Variants in EXOC6 observed in about 807,000 individuals in gnomAD.
EXOC6 encodes exocyst complex component 6, also known as SEC15-like 1.
Under a neutral mutation model 112.5 loss-of-function variants are expected in EXOC6, and 60 were observed. That is an observed-to-expected ratio of 0.53 (90% CI 0.43 to 0.66). EXOC6 has a LOEUF of 0.66. Ranked by LOEUF, EXOC6 falls within the 30% of genes least tolerant of loss-of-function variation. The pLI, the probability that EXOC6 is intolerant of heterozygous loss-of-function variation, is 0.00. For missense variants in EXOC6, 855 were observed against 957.1 expected, an observed-to-expected ratio of 0.89 and a Z score of 1.41; for synonymous variants, 295 against 308.0, an observed-to-expected ratio of 0.96 and a Z score of 0.44.
chr10:92,865,888 C>A (rs11187192), intron 1 of EXOC6, among the ~76,000 whole-genome samples: 62,094 of 151,798 alleles, frequency 0.41, 13,245 homozygotes, highest in African/African-American at 0.51. Context: ...ATTAAGAAAA[C>A]CATAAGGAAG....
chr10:93,053,136 A>G (rs1846379739), intron 20 of EXOC6, among the ~76,000 whole-genome samples: 1 of 152,182 alleles, frequency 6.6e-6, no homozygotes, highest in African/African-American at 2.4e-5. Flanking sequence ...GAAGGCAAGT[A>G]TTAGTGTTTG....
At chr10:92,913,628 G>A (rs946537842) in intron 6 of EXOC6, among the ~76,000 whole-genome samples, 2 of 152,186 alleles carry the variant, frequency 1.3e-5, no homozygotes, top group African/African-American at 4.8e-5. Flanking sequence ...CACCTTGTCT[G>A]TGAAATCTTC....
intron 5 of EXOC6, among the ~76,000 whole-genome samples, chr10:92,903,252 A>G (rs1589800752): frequency 6.6e-6 from 1 of 152,104 alleles, no homozygotes; most frequent in Non-Finnish European, 1.5e-5. Flanking sequence ...ACATCCTTGC[A>G]AACGTATGGT....
chr10:92,968,777 T>C (rs1842170923), intron 17 of EXOC6, among the ~76,000 whole-genome samples: 1 of 152,238 alleles, frequency 6.6e-6, no homozygotes, highest in Non-Finnish European at 1.5e-5. Context: ...AACAGCCCTG[T>C]GAGATGGGGA....
intron 20 of EXOC6, among the ~76,000 whole-genome samples, chr10:93,020,377 G>C (rs1844730371): frequency 6.6e-6 from 1 of 151,436 alleles, no homozygotes; most frequent in Admixed American, 6.6e-5. Context: ...AAGTTTGCTT[G>C]AATACCTGAT....
Position 92,848,600 on chromosome 10 carries a change from A to G in EXOC6, c.67A>G (p.Ser23Gly). Residue 23 changes from serine to glycine, a missense_variant, in exon 1 of 22, where the codon AGC becomes GGC. Around this residue, in one of 2 missense-constraint regions of EXOC6, gnomAD observed 405 missense variants for 393.6 expected, o/e 1.03. Coordinates refer to ENST00000260762, the MANE Select transcript of EXOC6 (RefSeq NM_019053.6). The part of the protein sequence containing the change: ...EHERILQEIE[S>G]TDTACVGPTL... ...CGAGCGGATCTTGCAGGAGATCGAG[A>G]GCACCGACACCGCCTGTGTGGGGCC... 1 of 1,452,926 alleles carries G rather than the reference A, an allele frequency of 6.9e-7. No individual in the cohort carries two copies. The highest frequency in any genetic ancestry group is 9.2e-7 in the Non-Finnish European group (1 of 1,085,982). The allele number at this position is 1,452,926 out of a possible 1,614,324, so 90.0% of individuals were successfully genotyped here.
intron 20 of EXOC6, among the ~76,000 whole-genome samples, chr10:93,037,716 A>C (rs534168864): frequency 1.2e-3 from 179 of 149,948 alleles, no homozygotes; most frequent in African/African-American, 4.2e-3. Flanking sequence ...CTGGGATTAC[A>C]GGTGTGAGCC....
At chr10:92,895,064 T>C (rs1385587699) in intron 4 of EXOC6, 44 bp downstream of exon 4, 10 of 1,191,106 alleles carry the variant, frequency 8.4e-6, no homozygotes, top group Non-Finnish European at 1.2e-5. Flanking sequence ...CTTGGTAAAG[T>C]TGTAATTTAA....
intron 1 of EXOC6, among the ~76,000 whole-genome samples, chr10:92,856,111 G>C (rs1047040829): frequency 1.3e-5 from 2 of 151,980 alleles, no homozygotes; most frequent in African/African-American, 2.4e-5. Context: ...TGATCTGCCT[G>C]CCTTTGCCTC....
intron 1 of EXOC6, among the ~76,000 whole-genome samples, chr10:92,843,113 C>A (rs1846915932): frequency 6.6e-6 from 1 of 152,254 alleles, no homozygotes; most frequent in Non-Finnish European, 1.5e-5. Flanking sequence ...TAGAAAAAAA[C>A]TGATTTTATT....
At chr10:93,020,889 C>CCA (rs1844753618) in intron 20 of EXOC6, among the ~76,000 whole-genome samples, 1 of 143,272 alleles carries the variant, frequency 7.0e-6, no homozygotes, top group African/African-American at 2.5e-5. Flanking sequence ...TCTCTCAATA[C>CCA]TTTGTCTCTC....
chr10:92,851,593 T>C (rs999886285), intron 1 of EXOC6, among the ~76,000 whole-genome samples: 2 of 151,730 alleles, frequency 1.3e-5, no homozygotes, highest in Non-Finnish European at 1.5e-5. Context: ...GAGGTTGCAG[T>C]GAGCCGAGAT....
intron 1 of EXOC6, among the ~76,000 whole-genome samples, chr10:92,836,792 C>G (rs1386005318): frequency 6.6e-6 from 1 of 152,146 alleles, no homozygotes; most frequent in Non-Finnish European, 1.5e-5. Context: ...AGGAACACAT[C>G]AGCTCATGTG....
chr10:92,858,000 G>T, intron 1 of EXOC6, among the ~76,000 whole-genome samples: 2 of 136,096 alleles, frequency 1.5e-5, no homozygotes, highest in South Asian at 2.5e-4. Flanking sequence ...TTTACCATAT[G>T]TAAGATTTTT....
intron 18 of EXOC6, among the ~76,000 whole-genome samples, chr10:92,988,053 A>G (rs1215449830): frequency 2.0e-5 from 3 of 152,218 alleles, no homozygotes; most frequent in African/African-American, 7.2e-5. Flanking sequence ...TGTTATCGTT[A>G]CTTGTTTCAA....
chr10:92,973,335 A>G lies in EXOC6; in HGVS notation c.1774-718A>G, dbSNP rs1460828265. ...GTAGAGCTGGAACAGAGGAAGAATA[A>G]TGGAAATAGGGCACATTAAAATGCT... is the stretch of plus-strand genomic sequence containing the variant. On this transcript the variant is annotated intron_variant, in intron 17 of 21. Coordinates refer to ENST00000260762, the MANE Select transcript of EXOC6 (RefSeq NM_019053.6). Among the ~76,000 whole-genome samples, 3 of 152,342 alleles carry G rather than the reference A, an allele frequency of 2.0e-5. No homozygotes were observed. The East Asian group carries it at 5.8e-4, about 29-fold the overall frequency.
intron 13 of EXOC6, among the ~76,000 whole-genome samples, chr10:92,946,451 A>G (rs1267798609): frequency 6.6e-6 from 1 of 151,952 alleles, no homozygotes; most frequent in Admixed American, 6.5e-5. Flanking sequence ...TTCTACCCCT[A>G]CTGTTGCAGC....
rs372452323 is a variant in EXOC6, at chr10:92,998,092, T to C, written c.2095+477T>C. Among the ~76,000 whole-genome samples, 4 of 152,340 alleles carry C rather than the reference T, an allele frequency of 2.6e-5. No individual in the cohort carries two copies. The South Asian group carries it at 8.3e-4, about 32-fold the overall frequency. Reference sequence around the variant, plus strand: ...AAGGCTTTAGTATTGCCATTGTTTTTCACTTTATTTTTTTTTAGGTAACAA... The same window carrying C: ...AAGGCTTTAGTATTGCCATTGTTTTCCACTTTATTTTTTTTTAGGTAACAA... On this transcript the variant is annotated intron_variant, in intron 19 of 21. Coordinates refer to ENST00000260762, the MANE Select transcript of EXOC6 (RefSeq NM_019053.6).
chr10:92,859,328 A>G (rs897795602), intron 1 of EXOC6, among the ~76,000 whole-genome samples: 20 of 152,158 alleles, frequency 1.3e-4, no homozygotes, highest in African/African-American at 4.8e-4. Flanking sequence ...CAATCCTGGC[A>G]TATACGCTGT....
Sources: allele counts gnomAD v4.1 joint callset (sites outside exome capture counted in the v4.1 genomes callset), GRCh38; gene constraint gnomAD v4.1.1; regional missense constraint gnomAD v4.1.1; transcripts MANE v1.5; gene names NCBI Gene and HGNC (gene_info 2026-07-23, HGNC 2026-07-21).